IRAK1BP1: variants seen among roughly 807,000 people sequenced by gnomAD.
IRAK1BP1 encodes the protein interleukin-1 receptor-associated kinase 1-binding protein 1.
A neutral mutation model predicts 28.0 loss-of-function variants in IRAK1BP1; 24 were observed. The ratio of observed to expected loss-of-function variants is 0.86; its 90% CI spans 0.62 to 1.20. The LOEUF (loss-of-function observed/expected upper bound fraction) is 1.20, where lower values mean the gene tolerates loss of function less well. Ranked by LOEUF, IRAK1BP1 falls within the 50% of genes most tolerant of loss-of-function variation. IRAK1BP1 has a pLI of 0.00. For synonymous variants in IRAK1BP1, 131 were observed against 116.3 expected, an observed-to-expected ratio of 1.13 and a Z score of -0.81; for missense variants, 336 against 316.7, an observed-to-expected ratio of 1.06 and a Z score of -0.46.
At chr6:78,913,712 G>C (rs1582039104) in intron 4 of IRAK1BP1, among the ~76,000 whole-genome samples, 1 of 152,172 alleles carries the variant, frequency 6.6e-6, no homozygotes, top group Admixed American at 6.5e-5. Context: ...AAAGTGATGA[G>C]AGTGAACTAA....
intron 4 of IRAK1BP1, among the ~76,000 whole-genome samples, chr6:78,911,247 C>T (rs1772410333): frequency 6.6e-6 from 1 of 152,160 alleles, no homozygotes; most frequent in Admixed American, 6.5e-5. Context: ...TGCCAGAACG[C>T]AGTGACCTAA....
chr6:78,964,094 G>GT, the IRAK1BP1 span, among the ~76,000 whole-genome samples: 1 of 152,146 alleles, frequency 6.6e-6, no homozygotes, highest in Non-Finnish European at 1.5e-5. Context: ...ACAGTTCAAT[G>GT]TGAGTTCAAA....
chr6:78,977,709 A>G, the IRAK1BP1 span, among the ~76,000 whole-genome samples: 10 of 152,274 alleles, frequency 6.6e-5, no homozygotes, highest in Non-Finnish European at 1.2e-4. Flanking sequence ...TTCACATCTT[A>G]ATGCTACAGG....
intron 4 of IRAK1BP1, among the ~76,000 whole-genome samples, chr6:78,944,996 ATTAC>A (rs1287952335): frequency 6.6e-6 from 1 of 152,166 alleles, no homozygotes; most frequent in African/African-American, 2.4e-5. Flanking sequence ...TGATCCAATA[ATTAC>A]TTAAACATTT....
At chr6:78,893,600 ATTTATATAAAAGATAACT>A (rs1365565213) in intron 2 of IRAK1BP1, among the ~76,000 whole-genome samples, 15 of 152,026 alleles carry the variant, frequency 9.9e-5, no homozygotes, top group Non-Finnish European at 2.1e-4. Context: ...AAATCTCTAT[ATTTATATAAAAGATAACT>A]GACTAGGCTG....
Position 78,900,985 on chromosome 6 carries a change from TTTATTACCAAAAAGAAG to T in IRAK1BP1, c.*2655_*2671del, listed in dbSNP as rs1772074216. 1 of 152,230 alleles carries T rather than the reference TTTATTACCAAAAAGAAG, an allele frequency of 6.6e-6. No individual in the cohort carries two copies. The highest frequency in any genetic ancestry group is 2.1e-4 in the South Asian group (1 of 4,830). 9.4% of individuals were successfully genotyped at this position (152,230 alleles called of 1,614,324 possible). A position where few individuals can be genotyped will look rare whatever the true frequency, so the allele number is the denominator to read the frequency against. Reference sequence around the variant, plus strand: ...AAACCAATGTAACATATGTTGAATTTTTATTACCAAAAAGAAGTTACTATCCAGTTGTACAGAAAAGT... The same window carrying T: ...AAACCAATGTAACATATGTTGAATTTTTACTATCCAGTTGTACAGAAAAGT... On this transcript the variant is annotated 3_prime_UTR_variant, in exon 4 of 4. Transcript: ENST00000369940.
intron 4 of IRAK1BP1, among the ~76,000 whole-genome samples, chr6:78,944,108 T>C (rs1773669986): frequency 6.7e-6 from 1 of 148,196 alleles, no homozygotes; most frequent in African/African-American, 2.5e-5. Flanking sequence ...ACAATTAAAC[T>C]AGGAGGGAAA....
chr6:78,902,013 G>A lies in IRAK1BP1; in HGVS notation c.*3679G>A, dbSNP rs1330574596. The A allele has an allele frequency of 6.6e-6, 1 of 152,160 alleles. No homozygotes were observed. The highest frequency in any genetic ancestry group is 2.4e-5 in the African/African-American group (1 of 41,440). The allele number at this position is 152,160 out of a possible 1,614,324, so 9.4% of individuals were successfully genotyped here. A position where few individuals can be genotyped will look rare whatever the true frequency, so the allele number is the denominator to read the frequency against. The stretch of plus-strand genomic sequence containing the variant: ...AGATCAAATGTGGGAGTTACTATAT[G>A]ATTATCTGCATTACAAAATGAAAGC... On this transcript the variant is annotated 3_prime_UTR_variant, in exon 4 of 4. Transcript: ENST00000369940.
At chr6:78,975,731 C>T in the IRAK1BP1 span, among the ~76,000 whole-genome samples, 183 of 152,072 alleles carry the variant, frequency 1.2e-3, 1 homozygote, top group Non-Finnish European at 2.1e-3. Flanking sequence ...ACACCAACAA[C>T]GGACAAACAG....
chr6:78,935,655 T>TA, intron 4 of IRAK1BP1: 1 of 983,714 alleles, frequency 1.0e-6, no homozygotes, highest in Non-Finnish European at 1.2e-6. Flanking sequence ...GGAATTAAAT[T>TA]ACATTTCGGC....
intron 1 of IRAK1BP1, among the ~76,000 whole-genome samples, chr6:78,873,824 A>T (rs1581989912): frequency 6.6e-6 from 1 of 152,190 alleles, no homozygotes; most frequent in Non-Finnish European, 1.5e-5. Flanking sequence ...TTTGTAGTAT[A>T]TTAGATATGT....
intron 4 of IRAK1BP1, among the ~76,000 whole-genome samples, chr6:78,930,500 A>G (rs1773014681): frequency 6.6e-6 from 1 of 152,204 alleles, no homozygotes; most frequent in Admixed American, 6.5e-5. Flanking sequence ...CTACAAAAAT[A>G]CTTGCATATT....
At chr6:78,947,564 CATTT>C (rs769932472), downstream of IRAK1BP1, 83 of 790,772 alleles carry the variant, frequency 1.0e-4, no homozygotes, top group Non-Finnish European at 1.6e-4. Context: ...AACATTTAGT[CATTT>C]AACACACTCC....
intron 1 of IRAK1BP1, among the ~76,000 whole-genome samples, chr6:78,884,621 T>C (rs925480483): frequency 1.3e-5 from 2 of 152,146 alleles, no homozygotes; most frequent in African/African-American, 4.8e-5. Flanking sequence ...ATACAACTTC[T>C]CATTAAATCT....
At chr6:78,964,176 A>C in the IRAK1BP1 span, among the ~76,000 whole-genome samples, 1,341 of 152,278 alleles carry the variant, frequency 8.8e-3, 21 homozygotes, top group African/African-American at 0.029. Flanking sequence ...TTACCAATTG[A>C]TTTAAGATAT....
At chr6:78,971,766 C>T in the IRAK1BP1 span, among the ~76,000 whole-genome samples, 202 of 152,272 alleles carry the variant, frequency 1.3e-3, 1 homozygote, top group South Asian at 8.3e-3. Flanking sequence ...AAAGGGGTGA[C>T]GGACGGCACC....
At chr6:78,947,369 T>C (rs1386929820), downstream of IRAK1BP1, among the ~76,000 whole-genome samples, 1 of 152,196 alleles carries the variant, frequency 6.6e-6, no homozygotes, top group Non-Finnish European at 1.5e-5. Flanking sequence ...ATGGCTCTGG[T>C]GCATACCAGG....
At chr6:78,950,124 G>A (rs1320920438), downstream of IRAK1BP1, among the ~76,000 whole-genome samples, 1 of 151,990 alleles carries the variant, frequency 6.6e-6, no homozygotes, top group African/African-American at 2.4e-5. Flanking sequence ...TGTTCTTTCT[G>A]GATTACTTGA....
the IRAK1BP1 span, chr6:78,955,419 A>C: frequency 1.4e-4 from 87 of 642,414 alleles, no homozygotes; most frequent in African/African-American, 1.6e-3. Flanking sequence ...TTGACTCATT[A>C]AAAAGGTTCC....
Sources: allele counts gnomAD v4.1 joint callset (sites outside exome capture counted in the v4.1 genomes callset), GRCh38; gene constraint gnomAD v4.1.1; transcripts MANE v1.5; gene names NCBI Gene and HGNC (gene_info 2026-07-23, HGNC 2026-07-21).